The following HDAC9 variants were observed in gnomAD, a reference collection of about 807,000 sequenced individuals.
The protein encoded by HDAC9 is MEF-2 interacting transcription repressor (MITR) protein.
Under a neutral mutation model 139.4 loss-of-function variants are expected in HDAC9, and 41 were observed. That is an observed-to-expected ratio of 0.29 (90% CI 0.23 to 0.38). HDAC9 has a LOEUF of 0.38. HDAC9 is among the 10% of genes least tolerant of loss of function. The pLI is 1.00. For synonymous variants in HDAC9, 517 were observed against 476.2 expected, an observed-to-expected ratio of 1.09 and a Z score of -1.12; for missense variants, 1,147 against 1,297.0, an observed-to-expected ratio of 0.88 and a Z score of 1.78.
At chr7:18,408,420 A>G (rs576643916) in intron 1 of HDAC9, among the ~76,000 whole-genome samples, 4 of 152,328 alleles carry the variant, frequency 2.6e-5, no homozygotes, top group African/African-American at 4.8e-5. Flanking sequence ...ATCAGATGCT[A>G]TAATAATAAT....
At chr7:18,859,329 C>T (rs1797915576) in intron 21 of HDAC9, among the ~76,000 whole-genome samples, 1 of 152,138 alleles carries the variant, frequency 6.6e-6, no homozygotes, top group South Asian at 2.1e-4. Context: ...ATTAATCCTA[C>T]TCTCCTGTTA....
chr7:18,445,165 A>G (rs556287777), intron 1 of HDAC9, among the ~76,000 whole-genome samples: 1 of 152,200 alleles, frequency 6.6e-6, no homozygotes, highest in South Asian at 2.1e-4. Flanking sequence ...TCTTAAGACA[A>G]TAGTCATATC....
intron 1 of HDAC9, among the ~76,000 whole-genome samples, chr7:18,387,958 A>G (rs1786098245): frequency 6.6e-6 from 1 of 152,114 alleles, no homozygotes; most frequent in African/African-American, 2.4e-5. Flanking sequence ...AAAAAAGAAA[A>G]AAGCTTTCCA....
At position 18,590,308 on chromosome 7, in the gene HDAC9, C is replaced by G. The variant is rs922091134; in HGVS notation, c.265-28C>G. 5 of 1,608,694 alleles carry G rather than the reference C, an allele frequency of 3.1e-6. No homozygotes were observed. In the Admixed American group the frequency reaches 6.8e-5, roughly 22 times the overall value. ...GACTATGAAGCCTAAAGAAATTGCA[C>G]ACTCTCATGTCTTTCTCTTCTCGCA... On this transcript the variant is annotated intron_variant, in intron 3 of 25. Coordinates refer to ENST00000686413, the MANE Select transcript of HDAC9 (RefSeq NM_178425.4).
chr7:18,124,177 C>T (rs966017356), intron 1 of HDAC9, among the ~76,000 whole-genome samples: 5 of 152,264 alleles, frequency 3.3e-5, no homozygotes, highest in Non-Finnish European at 5.9e-5. Flanking sequence ...AGGTGGCCAC[C>T]TTCTGTCATC....
intron 25 of HDAC9, among the ~76,000 whole-genome samples, chr7:18,979,058 T>C (rs1784733147): frequency 6.6e-6 from 1 of 152,170 alleles, no homozygotes; most frequent in African/African-American, 2.4e-5. Context: ...TCCAGAATAG[T>C]TGTCTCTTTA....
intron 1 of HDAC9, among the ~76,000 whole-genome samples, chr7:18,356,358 G>GT (rs5882659): frequency 0.2 from 11,046 of 54,820 alleles, 2,166 homozygotes; most frequent in Middle Eastern, 0.22. Flanking sequence ...CAGCACATAG[G>GT]TTTTTTTTTT....
chr7:18,087,413 A>C (rs184600458), intron 1 of HDAC9, among the ~76,000 whole-genome samples: 2 of 152,278 alleles, frequency 1.3e-5, no homozygotes, highest in Admixed American at 1.3e-4. Context: ...CTTCGTCAGA[A>C]GTTGGGTGCT....
chr7:18,668,733 C>T, intron 12 of HDAC9: 1 of 976,454 alleles, frequency 1.0e-6, no homozygotes, highest in Non-Finnish European at 1.2e-6. Context: ...ATAATTTACA[C>T]CCTTGAAGGT....
chr7:18,936,776 T>C (rs568735579), intron 23 of HDAC9, among the ~76,000 whole-genome samples: 1 of 152,322 alleles, frequency 6.6e-6, no homozygotes, highest in South Asian at 2.1e-4. Context: ...CAAAATCTTT[T>C]TAAAAATCTA....
chr7:18,532,508 T>C (rs552220419), intron 2 of HDAC9, among the ~76,000 whole-genome samples: 24 of 152,322 alleles, frequency 1.6e-4, no homozygotes, highest in African/African-American at 5.5e-4. Context: ...TTTAATTATA[T>C]GATTTTCTTA....
intron 2 of HDAC9, among the ~76,000 whole-genome samples, chr7:18,209,428 T>C (rs1395437243): frequency 6.6e-6 from 1 of 152,210 alleles, no homozygotes; most frequent in Non-Finnish European, 1.5e-5. Context: ...TCTATAGCCA[T>C]ATCTCTTGCT....
At chr7:18,982,681 C>T (rs751992009) in intron 25 of HDAC9, among the ~76,000 whole-genome samples, 15 of 152,176 alleles carry the variant, frequency 9.9e-5, no homozygotes, top group Middle Eastern at 3.4e-3. Flanking sequence ...CTTTTAACAC[C>T]GTCAATTATG....
intron 2 of HDAC9, among the ~76,000 whole-genome samples, chr7:18,583,319 A>G (rs1828400091): frequency 6.6e-6 from 1 of 152,206 alleles, no homozygotes; most frequent in South Asian, 2.1e-4. Context: ...TAACATCTTC[A>G]ATGTTACACA....
intron 7 of HDAC9, among the ~76,000 whole-genome samples, chr7:18,633,674 C>A (rs576347330): frequency 2.0e-5 from 3 of 152,032 alleles, no homozygotes; most frequent in African/African-American, 7.2e-5. Context: ...GTTGGGTTGA[C>A]AAGGTGTAAT....
intron 13 of HDAC9, among the ~76,000 whole-genome samples, chr7:18,736,546 G>C (rs1419978534): frequency 1.3e-5 from 2 of 152,192 alleles, no homozygotes; most frequent in African/African-American, 4.8e-5. Flanking sequence ...TTATTGATTT[G>C]TGTATGTTGA....
chr7:18,496,066 A>G (rs2128139343), intron 1 of HDAC9, 43 bp downstream of exon 1: 1 of 1,431,294 alleles, frequency 7.0e-7, no homozygotes, highest in South Asian at 1.5e-5. Flanking sequence ...TTAAAAGTGG[A>G]TGCCCATTTG....
At chr7:18,841,144 TTC>T (rs1796557393) in intron 21 of HDAC9, among the ~76,000 whole-genome samples, 1 of 152,068 alleles carries the variant, frequency 6.6e-6, no homozygotes, top group Non-Finnish European at 1.5e-5. Context: ...ATCATCATTA[TTC>T]TGGCTAATTC....
intron 1 of HDAC9, among the ~76,000 whole-genome samples, chr7:18,361,883 G>A (rs1783810606): frequency 6.6e-6 from 1 of 151,874 alleles, no homozygotes; most frequent in Admixed American, 6.6e-5. Context: ...CTCACCGTCA[G>A]TACATGATAT....
Sources: gnomAD v4.1 joint callset for allele counts (sites outside exome capture counted in the v4.1 genomes callset) on GRCh38, gnomAD v4.1.1 for gene constraint, MANE v1.5 for transcripts, NCBI Gene and HGNC (gene_info 2026-07-23, HGNC 2026-07-21) for gene names.